Variants in KIAA1217 observed in about 807,000 individuals in gnomAD.
The protein encoded by KIAA1217 is KIAA1217.
KIAA1217 carries 88 observed loss-of-function variants against 163.9 expected under a neutral mutation model. The ratio of observed to expected loss-of-function variants is 0.54; its 90% confidence interval spans 0.45 to 0.64. KIAA1217 has a LOEUF of 0.64. Ranked by LOEUF, KIAA1217 falls within the 30% of genes least tolerant of loss-of-function variation. KIAA1217 has a pLI of 0.00. For missense variants in KIAA1217, 2,372 were observed against 2,475.0 expected (o/e 0.96, Z 0.88); for synonymous variants, 903 against 923.1 (o/e 0.98, Z 0.39).
upstream of KIAA1217, among the ~76,000 whole-genome samples, chr10:24,208,331 T>C (rs755550112): frequency 1.2e-4 from 18 of 151,848 alleles, no homozygotes; most frequent in Middle Eastern, 3.2e-3. Context: ...CTTCAGAAGA[T>C]TGACTTTACT....
chr10:24,415,692 CTG>C (rs931536325), intron 3 of KIAA1217, among the ~76,000 whole-genome samples: 1 of 152,122 alleles, frequency 6.6e-6, no homozygotes, highest in Non-Finnish European at 1.5e-5. Context: ...ACACACAAGA[CTG>C]TGATCTGAGC....
intron 1 of KIAA1217, among the ~76,000 whole-genome samples, chr10:23,973,768 A>G (rs1168915636): frequency 6.6e-6 from 1 of 151,980 alleles, no homozygotes; most frequent in Non-Finnish European, 1.5e-5. Context: ...CTCAAATCAG[A>G]TTTCACATGT....
intron 2 of KIAA1217, among the ~76,000 whole-genome samples, chr10:24,135,233 G>A (rs763654564): frequency 2.6e-5 from 4 of 152,194 alleles, no homozygotes; most frequent in Non-Finnish European, 5.9e-5. Flanking sequence ...TGCCACACCA[G>A]TGATGGTCCC....
chr10:24,427,650 T>G lies in KIAA1217; in HGVS notation c.554-5345T>G, dbSNP rs553151432. 5.3e-5 allele frequency among the ~76,000 whole-genome samples: 8 copies of G among 152,276 alleles called. 1 individual carries two copies. The highest frequency in any genetic ancestry group is 9.6e-5 in the African/African-American group (4 of 41,556). ...TGACATATGGCAGGCATCCTATAAA[T>G]GCATTTCTCTCATCCTCATCCCTTC... On this transcript the variant is annotated intron_variant, in intron 3 of 20. Transcript: ENST00000376454.
At chr10:24,352,636 C>T (rs1369885873) in intron 2 of KIAA1217, among the ~76,000 whole-genome samples, 1 of 151,998 alleles carries the variant, frequency 6.6e-6, no homozygotes, top group Non-Finnish European at 1.5e-5. Context: ...AGTTACTGTT[C>T]CCAGAGGCAA....
At chr10:23,726,022 AAG>A (rs1554779119) in intron 1 of KIAA1217, among the ~76,000 whole-genome samples, 4 of 151,982 alleles carry the variant, frequency 2.6e-5, no homozygotes. Flanking sequence ...CTCACTCAAA[AAG>A]GGACCATTCT....
At chr10:24,329,537 T>C (rs11014031) in intron 2 of KIAA1217, among the ~76,000 whole-genome samples, 11,601 of 152,146 alleles carry the variant, frequency 0.076, 583 homozygotes, top group East Asian at 0.21. Context: ...AGGGGCAATG[T>C]ACGCTCTCCT....
At chr10:24,335,292 G>A (rs1347925192) in intron 2 of KIAA1217, among the ~76,000 whole-genome samples, 2 of 133,040 alleles carry the variant, frequency 1.5e-5, no homozygotes, top group Non-Finnish European at 3.4e-5. Flanking sequence ...TGGGCAAGGA[G>A]GGTTTTTTTT....
chr10:24,247,702 G>A (rs1264339137), intron 2 of KIAA1217, among the ~76,000 whole-genome samples: 1 of 152,138 alleles, frequency 6.6e-6, no homozygotes, highest in African/African-American at 2.4e-5. Context: ...TCAGGAGGCT[G>A]AGGCAGGAGA....
chr10:24,498,655 C>CA (rs1016723763), intron 8 of KIAA1217, among the ~76,000 whole-genome samples: 3 of 152,140 alleles, frequency 2.0e-5, no homozygotes, highest in African/African-American at 7.2e-5. Context: ...CCCGTCTCTA[C>CA]AAAAAATACA....
chr10:24,520,104 G>A lies in KIAA1217; in HGVS notation c.2178-19G>A. On this transcript the variant is annotated intron_variant, in intron 10 of 20. Transcript: ENST00000376454. Reference sequence around the variant, plus strand: ...GGCCTCGTGTTCAGCTCTATGTGCTGGTGTCCTTGCTCCCGCAGCGAGTTG... The same window carrying A: ...GGCCTCGTGTTCAGCTCTATGTGCTAGTGTCCTTGCTCCCGCAGCGAGTTG... 1 of 1,612,418 alleles carries A rather than the reference G, an allele frequency of 6.2e-7. No individual in the cohort carries two copies. Among genetic ancestry groups the A allele is most frequent in the African/African-American group, 1.3e-5 (1 of 75,034 alleles).
At chr10:24,081,515 C>T (rs1269769249) in intron 2 of KIAA1217, among the ~76,000 whole-genome samples, 1 of 152,164 alleles carries the variant, frequency 6.6e-6, no homozygotes, top group African/African-American at 2.4e-5. Context: ...GATGGAGCCT[C>T]TTCCTCCTCG....
chr10:23,818,008 T>TAC lies in KIAA1217; in HGVS notation c.-321+122780_-321+122781dup, dbSNP rs1255645777. ...ATATATATATATATATATATATATATACACACATATATATACACACATATA... is the reference window on the plus strand; with the variant it reads ...ATATATATATATATATATATATATATACACACACATATATATACACACATATA... On this transcript the variant is annotated intron_variant, in intron 1 of 18. Coordinates refer to the KIAA1217 transcript ENST00000376462. Among the ~76,000 whole-genome samples, 247 of 87,236 alleles carry TAC rather than the reference T, an allele frequency of 2.8e-3. 2 individuals are homozygous for TAC. The highest frequency in any genetic ancestry group is 3.1e-3 in the Admixed American group (24 of 7,716). The allele number at this position is 87,236 out of a possible 152,430, so 57.2% of individuals were successfully genotyped here. A position where few individuals can be genotyped will look rare whatever the true frequency, so the allele number is the denominator to read the frequency against.
chr10:23,810,851 A>T (rs1234372332), intron 1 of KIAA1217, among the ~76,000 whole-genome samples: 1 of 123,512 alleles, frequency 8.1e-6, no homozygotes, highest in Non-Finnish European at 1.6e-5. Flanking sequence ...TGGTATATAT[A>T]TTATATAGTA....
chr10:24,261,217 GC>G (rs1422750754), intron 2 of KIAA1217, among the ~76,000 whole-genome samples: 3 of 152,102 alleles, frequency 2.0e-5, no homozygotes, highest in Admixed American at 6.6e-5. Context: ...GTGCATTTAG[GC>G]CAGGTGTGGT....
At chr10:24,073,110 A>G (rs2061246742) in intron 2 of KIAA1217, among the ~76,000 whole-genome samples, 1 of 152,040 alleles carries the variant, frequency 6.6e-6, no homozygotes, top group Admixed American at 6.6e-5. Context: ...CTTTTCAAAC[A>G]TATTAGCAGC....
chr10:24,345,332 A>G (rs998481822), intron 2 of KIAA1217, among the ~76,000 whole-genome samples: 5 of 152,216 alleles, frequency 3.3e-5, no homozygotes, highest in African/African-American at 1.2e-4. Context: ...GAATACGGCA[A>G]TATTTATCTA....
intron 3 of KIAA1217, among the ~76,000 whole-genome samples, chr10:24,421,726 T>A (rs761349398): frequency 1.3e-5 from 2 of 152,218 alleles, no homozygotes; most frequent in Non-Finnish European, 2.9e-5. Context: ...CTGACTCTGT[T>A]AAGATAAGTG....
chr10:24,174,104 G>A (rs907927345), intron 2 of KIAA1217, among the ~76,000 whole-genome samples: 2 of 152,224 alleles, frequency 1.3e-5, no homozygotes, highest in African/African-American at 4.8e-5. Flanking sequence ...AGGGGCTCAA[G>A]TCTCAGCAGG....
Sources: allele counts gnomAD v4.1 joint callset (sites outside exome capture counted in the v4.1 genomes callset), GRCh38; gene constraint gnomAD v4.1.1; transcripts MANE v1.5; gene names NCBI Gene and HGNC (gene_info 2026-07-23, HGNC 2026-07-21).